Variants in CDH8 observed in about 807,000 individuals in gnomAD.
The protein encoded by CDH8 is cadherin-8.
Under a neutral mutation model 68.1 loss-of-function variants are expected in CDH8, and 17 were observed. The observed-to-expected ratio is 0.25, with a 90% CI of 0.17 to 0.37. The LOEUF is 0.37. CDH8 is among the 10% of genes least tolerant of loss of function. The pLI is 1.00. For missense variants in CDH8, 763 were observed against 999.3 expected, an observed-to-expected ratio of 0.76 and a Z score of 3.19; for synonymous variants, 372 against 365.1, an observed-to-expected ratio of 1.02 and a Z score of -0.21.
chr16:61,743,695 A>C (rs1959938891), intron 8 of CDH8, among the ~76,000 whole-genome samples: 1 of 151,936 alleles, frequency 6.6e-6, no homozygotes, highest in African/African-American at 2.4e-5. Flanking sequence ...GCTACTTTTT[A>C]ATTTTAATTT....
chr16:62,016,180 G>A (rs1901935458), intron 2 of CDH8, among the ~76,000 whole-genome samples: 1 of 152,122 alleles, frequency 6.6e-6, no homozygotes, highest in African/African-American at 2.4e-5. Context: ...CTCTGTATAT[G>A]CTTCAAGAGA....
At chr16:61,983,121 AC>A (rs1476220816) in intron 2 of CDH8, among the ~76,000 whole-genome samples, 71 of 152,336 alleles carry the variant, frequency 4.7e-4, no homozygotes, top group African/African-American at 1.7e-3. Context: ...TATACATACT[AC>A]AGCATCCCTG....
At position 61,825,896 on chromosome 16, in the gene CDH8, C is replaced by T. The variant is rs562793572; in HGVS notation, c.668-717G>A. Among the ~76,000 whole-genome samples, 4 of 151,818 alleles carry T rather than the reference C, an allele frequency of 2.6e-5. No homozygotes were observed. The South Asian group carries it at 8.3e-4, about 32-fold the overall frequency. On this transcript the variant is annotated intron_variant, in intron 4 of 11. Coordinates refer to ENST00000577390, the MANE Select transcript of CDH8 (RefSeq NM_001796.5). ...TGCTCAAATCTTAATGTTTTTTCTT[C>T]TGATATATATTCAGCGTTTCATGTG...
At chr16:61,988,708 CAGTT>C (rs1178046863) in intron 2 of CDH8, among the ~76,000 whole-genome samples, 5 of 152,164 alleles carry the variant, frequency 3.3e-5, no homozygotes, top group Non-Finnish European at 7.4e-5. Flanking sequence ...TGTTATAACA[CAGTT>C]GGATGGGAAG....
intron 10 of CDH8, among the ~76,000 whole-genome samples, chr16:61,665,361 T>C (rs1963644360): frequency 6.6e-6 from 1 of 151,910 alleles, no homozygotes; most frequent in Non-Finnish European, 1.5e-5. Flanking sequence ...TAAAAAAGAA[T>C]GAGTTCACAA....
intron 9 of CDH8, among the ~76,000 whole-genome samples, chr16:61,722,453 A>G (rs75662287): frequency 0.014 from 2,128 of 150,906 alleles, 56 homozygotes; most frequent in African/African-American, 0.049. Flanking sequence ...CTTCTTCACT[A>G]AATTCATAAG....
intron 9 of CDH8, among the ~76,000 whole-genome samples, chr16:61,718,545 C>T (rs572901631): frequency 3.0e-4 from 45 of 151,302 alleles, no homozygotes; most frequent in Non-Finnish European, 5.6e-4. Context: ...AAGTTACGGT[C>T]GATGAAGAAG....
At chr16:61,924,044 G>A (rs1479874380) in intron 2 of CDH8, among the ~76,000 whole-genome samples, 1 of 151,440 alleles carries the variant, frequency 6.6e-6, no homozygotes, top group East Asian at 1.9e-4. Context: ...GAAGTTCCTG[G>A]GTGATGCTAA....
chr16:61,915,508 T>A (rs1400195741), intron 2 of CDH8, among the ~76,000 whole-genome samples: 1 of 152,178 alleles, frequency 6.6e-6, no homozygotes. Context: ...CCCATGCCTG[T>A]TTCATTGTTT....
At chr16:61,763,848 G>A (rs903838414) in intron 8 of CDH8, among the ~76,000 whole-genome samples, 1 of 152,006 alleles carries the variant, frequency 6.6e-6, no homozygotes, top group African/African-American at 2.4e-5. Context: ...ATCTTTACGT[G>A]AAGTGATAAA....
At position 61,830,061 on chromosome 16, in the gene CDH8, T is replaced by A. The variant is rs1048767547; in HGVS notation, c.668-4882A>T. ...ATTGACAAGCTCCAAAAATAGAAAATGAAAATAGCCTTACTATTCTCTTCT... is the reference window on the plus strand; with the variant it reads ...ATTGACAAGCTCCAAAAATAGAAAAAGAAAATAGCCTTACTATTCTCTTCT... On this transcript the variant is annotated intron_variant, in intron 4 of 11. Transcript: ENST00000577390. 2.0e-5 allele frequency among the ~76,000 whole-genome samples: 3 copies of A among 151,850 alleles called. No individual in the cohort carries two copies. In the East Asian group the frequency reaches 5.8e-4, roughly 30 times the overall value.
At chr16:61,918,162 T>TA in intron 2 of CDH8, 1 of 151,950 alleles carries the variant, frequency 6.6e-6, no homozygotes, top group Non-Finnish European at 1.5e-5. Flanking sequence ...CATTATGCAG[T>TA]AAAAAATATT....
intron 7 of CDH8, among the ~76,000 whole-genome samples, chr16:61,812,058 C>G (rs144624335): frequency 6.6e-6 from 1 of 152,106 alleles, no homozygotes; most frequent in Admixed American, 6.6e-5. Context: ...GTGCTCTTTA[C>G]ACACACAAAC....
chr16:61,939,492 C>A (rs1032624771), intron 2 of CDH8, among the ~76,000 whole-genome samples: 6 of 152,112 alleles, frequency 3.9e-5, no homozygotes, highest in African/African-American at 1.4e-4. Flanking sequence ...AAATATTCAC[C>A]AGGTGACTTT....
rs937148881 is a variant in CDH8 at position 61,652,542 on chromosome 16, C to T, written c.*1066G>A. On this transcript the variant is annotated 3_prime_UTR_variant, in exon 12 of 12. Coordinates refer to ENST00000577390, the MANE Select transcript of CDH8 (RefSeq NM_001796.5). ...CCATCTCCAGTTACAATAACACTTT[C>T]TACTCTAAAGAGACTATTAGCTCTC... 6.8e-6 allele frequency: 7 copies of T among 1,034,542 alleles called. No homozygotes were observed. In the African/African-American group the frequency reaches 1.0e-4, roughly 15 times the overall value. The allele number at this position is 1,034,542 out of a possible 1,614,324, so 64.1% of individuals were successfully genotyped here. A position where few individuals can be genotyped will look rare whatever the true frequency, so the allele number is the denominator to read the frequency against.
intron 2 of CDH8, among the ~76,000 whole-genome samples, chr16:61,947,282 A>G (rs971702571): frequency 5.3e-5 from 8 of 152,262 alleles, no homozygotes; most frequent in African/African-American, 1.9e-4. Flanking sequence ...AAATATTTTT[A>G]TATGAAAACA....
At chr16:61,734,499 C>T (rs906664513) in intron 8 of CDH8, among the ~76,000 whole-genome samples, 3 of 152,114 alleles carry the variant, frequency 2.0e-5, no homozygotes, top group African/African-American at 7.2e-5. Context: ...TCTGTCCATA[C>T]TGGCCATGCC....
At chr16:62,000,463 C>G (rs761309100) in intron 2 of CDH8, among the ~76,000 whole-genome samples, 1 of 152,196 alleles carries the variant, frequency 6.6e-6, no homozygotes, top group Non-Finnish European at 1.5e-5. Context: ...TAAGACAGCT[C>G]ATGCTGCATC....
intron 2 of CDH8, among the ~76,000 whole-genome samples, chr16:61,986,698 A>T (rs1965634770): frequency 6.6e-6 from 1 of 152,204 alleles, no homozygotes; most frequent in Admixed American, 6.5e-5. Flanking sequence ...AGACTGTATG[A>T]AGGTAGATTA....
Sources: gnomAD v4.1 joint callset for allele counts (sites outside exome capture counted in the v4.1 genomes callset) on GRCh38, gnomAD v4.1.1 for gene constraint, MANE v1.5 for transcripts, NCBI Gene and HGNC (gene_info 2026-07-23, HGNC 2026-07-21) for gene names.